The following PIGK variants were observed in gnomAD, a reference collection of about 807,000 sequenced individuals.
The protein encoded by PIGK is phosphatidylinositol glycan anchor biosynthesis class K.
Under a neutral mutation model 50.6 loss-of-function variants are expected in PIGK, and 42 were observed. The ratio of observed to expected loss-of-function variants is 0.83; its 90% CI spans 0.65 to 1.07. PIGK has a LOEUF of 1.07. PIGK is among the 50% of genes least tolerant of loss of function. The pLI is 0.00. For missense variants in PIGK, 448 were observed against 488.7 expected (o/e 0.92, Z 0.78); for synonymous variants, 151 against 156.0 (o/e 0.97, Z 0.24).
At chr1:77,200,441 C>T (rs17100024) in intron 3 of PIGK, among the ~76,000 whole-genome samples, 2 of 151,944 alleles carry the variant, frequency 1.3e-5, no homozygotes, top group East Asian at 3.8e-4. Context: ...CCACATTCAA[C>T]ATATACACAT....
At chr1:77,152,566 C>T (rs867163867) in intron 9 of PIGK, among the ~76,000 whole-genome samples, 3 of 151,554 alleles carry the variant, frequency 2.0e-5, no homozygotes, top group Admixed American at 1.3e-4. Flanking sequence ...GAAGAGACAA[C>T]GTACAGAATG....
intron 3 of PIGK, among the ~76,000 whole-genome samples, chr1:77,193,785 G>T (rs1380012073): frequency 6.6e-6 from 1 of 152,146 alleles, no homozygotes; most frequent in African/African-American, 2.4e-5. Context: ...CCCTGGCAAA[G>T]ATTTCATGAC....
chr1:77,130,189 C>CT (rs67252426), intron 9 of PIGK, among the ~76,000 whole-genome samples: 20,574 of 103,838 alleles, frequency 0.2, 2,695 homozygotes, highest in East Asian at 0.49. Context: ...TTTGCATTGT[C>CT]TTTTTTTTTT....
At chr1:77,194,002 C>T (rs1005088786) in intron 3 of PIGK, among the ~76,000 whole-genome samples, 5 of 151,942 alleles carry the variant, frequency 3.3e-5, no homozygotes, top group African/African-American at 1.2e-4. Flanking sequence ...AAAAAATAAA[C>T]AACCTTATTA....
At chr1:77,158,455 C>A (rs1253740411) in intron 8 of PIGK, among the ~76,000 whole-genome samples, 1 of 152,004 alleles carries the variant, frequency 6.6e-6, no homozygotes, top group African/African-American at 2.4e-5. Flanking sequence ...GTGGAAGTAA[C>A]TTTGGTACTG....
chr1:77,107,848 CTTCT>C (rs1289270668), intron 10 of PIGK, among the ~76,000 whole-genome samples: 1 of 152,136 alleles, frequency 6.6e-6, no homozygotes, highest in Non-Finnish European at 1.5e-5. Context: ...ATGTCATGGC[CTTCT>C]TTGTCTCTTT....
At chr1:77,130,397 C>T (rs1319868931) in intron 9 of PIGK, among the ~76,000 whole-genome samples, 2 of 143,288 alleles carry the variant, frequency 1.4e-5, no homozygotes, top group African/African-American at 2.5e-5. Context: ...TTTGTTTTTA[C>T]GTACAGTGTA....
chr1:77,098,594 C>T (rs1030838581), intron 10 of PIGK, among the ~76,000 whole-genome samples: 10 of 152,236 alleles, frequency 6.6e-5, no homozygotes, highest in Non-Finnish European at 2.9e-5. Context: ...CCACCTTGGC[C>T]TCCTAAAGTG....
At chr1:77,192,639 T>A (rs1253434430) in intron 3 of PIGK, among the ~76,000 whole-genome samples, 1 of 152,010 alleles carries the variant, frequency 6.6e-6, no homozygotes, top group Admixed American at 6.5e-5. Flanking sequence ...GATAACCACA[T>A]TAAAAATAAA....
In PIGK at chr1:77,161,678, G is replaced by A; in HGVS notation, c.618C>T (p.Cys206=). ...ATCGTTCATACATGGATGCTCCTTG[G>A]CAAGTATCAATAATAAACAGTAGCT... ...YNELLFIIDT[C]QGASMYERFY... The change falls in exon 7 of 11, where the codon TGC becomes TGT. Residue 206 remains cysteine (C), a synonymous_variant. Transcript: ENST00000370812. 6.4e-7 allele frequency: 1 copy of A among 1,567,468 alleles called. No homozygotes were observed. Among genetic ancestry groups the A allele is most frequent in the Non-Finnish European group, 8.8e-7 (1 of 1,137,674 alleles).
intron 4 of PIGK, among the ~76,000 whole-genome samples, chr1:77,167,312 G>A (rs1655257915): frequency 6.6e-6 from 1 of 152,058 alleles, no homozygotes; most frequent in African/African-American, 2.4e-5. Context: ...GGGCAAGAGA[G>A]CAAGACTATG....
intron 1 of PIGK, among the ~76,000 whole-genome samples, chr1:77,215,475 T>C (rs1219149031): frequency 1.3e-5 from 2 of 152,172 alleles, no homozygotes; most frequent in African/African-American, 4.8e-5. Context: ...CTGGTGGGAA[T>C]GTAAATTAGT....
chr1:77,175,042 A>G (rs1376460476), intron 3 of PIGK, among the ~76,000 whole-genome samples: 1 of 152,214 alleles, frequency 6.6e-6, no homozygotes, highest in East Asian at 1.9e-4. Context: ...AAGAAACCAT[A>G]AAGCTTTTTA....
At chr1:77,131,679 TAATGTA>T (rs1654374247) in intron 9 of PIGK, among the ~76,000 whole-genome samples, 1 of 152,150 alleles carries the variant, frequency 6.6e-6, no homozygotes, top group South Asian at 2.1e-4. Flanking sequence ...ATTTCTCATT[TAATGTA>T]TTGATATGAT....
intron 3 of PIGK, among the ~76,000 whole-genome samples, chr1:77,191,656 A>G (rs553468627): frequency 6.6e-6 from 1 of 152,384 alleles, no homozygotes; most frequent in East Asian, 1.9e-4. Flanking sequence ...GCAAGATAAC[A>G]AAGATATTCT....
chr1:77,206,452 T>C (rs1369924692), intron 3 of PIGK, among the ~76,000 whole-genome samples, 188 bp downstream of exon 3: 1 of 152,232 alleles, frequency 6.6e-6, no homozygotes, highest in African/African-American at 2.4e-5. Context: ...TTTATATAAT[T>C]TGTCATTATG....
intron 9 of PIGK, among the ~76,000 whole-genome samples, chr1:77,142,088 A>G (rs567349183): frequency 6.6e-6 from 1 of 152,344 alleles, no homozygotes; most frequent in Admixed American, 6.5e-5. Flanking sequence ...AGATAAAAAC[A>G]TAAAGAAATA....
chr1:77,109,040 C>T (rs959600804), intron 10 of PIGK, among the ~76,000 whole-genome samples: 2 of 152,010 alleles, frequency 1.3e-5, no homozygotes, highest in Non-Finnish European at 2.9e-5. Flanking sequence ...ACACATACAC[C>T]CTCCCAAGAC....
intron 2 of PIGK, among the ~76,000 whole-genome samples, chr1:77,208,667 T>C (rs1656347931): frequency 6.6e-6 from 1 of 152,174 alleles, no homozygotes; most frequent in Non-Finnish European, 1.5e-5. Flanking sequence ...CTTTTCTCAG[T>C]AACTTCAGAA....
Sources: allele counts gnomAD v4.1 joint callset (sites outside exome capture counted in the v4.1 genomes callset), GRCh38; gene constraint gnomAD v4.1.1; transcripts MANE v1.5; gene names NCBI Gene and HGNC (gene_info 2026-07-23, HGNC 2026-07-21).